Variants in MNAT1 observed in about 807,000 individuals in gnomAD.
MNAT1 encodes CDK-activating kinase assembly factor MAT1.
MNAT1 carries 43 observed loss-of-function variants against 42.0 expected under a neutral mutation model. The observed-to-expected ratio is 1.02, with a 90% CI of 0.80 to 1.32. The LOEUF is 1.32. MNAT1 is among the 40% of genes most tolerant of loss of function. The pLI is 0.00. For synonymous variants in MNAT1, 118 were observed against 120.0 expected (o/e 0.98, Z 0.11); for missense variants, 306 against 350.4 (o/e 0.87, Z 1.01).
chr14:60,741,089 A>C (rs905757720), intron 1 of MNAT1, among the ~76,000 whole-genome samples: 1 of 152,120 alleles, frequency 6.6e-6, no homozygotes, highest in African/African-American at 2.4e-5. Flanking sequence ...TCCTTTTATC[A>C]TTATGAAATG....
At chr14:60,947,229 C>A (rs1465190261) in intron 7 of MNAT1, among the ~76,000 whole-genome samples, 1 of 151,764 alleles carries the variant, frequency 6.6e-6, no homozygotes, top group Non-Finnish European at 1.5e-5. Flanking sequence ...TTCCTAGGAC[C>A]CCAACATATA....
At chr14:60,808,474 GTTTCCACATGATAC>G (rs766396207) in intron 4 of MNAT1, 46 bp downstream of exon 4, 2 of 1,147,704 alleles carry the variant, frequency 1.7e-6, no homozygotes, top group Admixed American at 5.3e-5. Flanking sequence ...AGAAACAAAT[GTTTCCACATGATAC>G]TTTAAAAAGC....
At chr14:60,908,079 A>C (rs769198379) in intron 7 of MNAT1, among the ~76,000 whole-genome samples, 1 of 152,124 alleles carries the variant, frequency 6.6e-6, no homozygotes, top group Admixed American at 6.5e-5. Flanking sequence ...ATTTTAATGC[A>C]CTCATTGACA....
intron 1 of MNAT1, among the ~76,000 whole-genome samples, chr14:60,736,082 T>C (rs1566745045): frequency 6.6e-6 from 1 of 152,224 alleles, no homozygotes; most frequent in Non-Finnish European, 1.5e-5. Context: ...GATCTTTATT[T>C]TCCTTTGCTT....
At chr14:60,828,324 G>A (rs2033112623) in intron 6 of MNAT1, among the ~76,000 whole-genome samples, 1 of 152,080 alleles carries the variant, frequency 6.6e-6, no homozygotes, top group Admixed American at 6.6e-5. Context: ...AAGATACTAA[G>A]TATAAATAGG....
In MNAT1 at chr14:60,818,825, C is replaced by T. The variant is rs531249867; in HGVS notation, c.665C>T (p.Thr222Met). Residue 222 changes from threonine (T) to methionine (M), a missense_variant, in exon 6 of 8, where the codon ACG (threonine) becomes ATG (methionine). Around this residue, in one of 3 missense-constraint regions of MNAT1, gnomAD observed 116 missense variants for 139.6 expected, o/e 0.83. Coordinates refer to ENST00000261245, the MANE Select transcript of MNAT1 (RefSeq NM_002431.4). ...AAACCCAAACCTGTAAAACCAGTGA[C>T]GTTTTCCACAGGCATCAAAATGGTA... ...LEKPKPVKPV[T>M]FSTGIKMGQH... 1.6e-5 allele frequency: 26 copies of T among 1,612,448 alleles called. No individual in the cohort carries two copies. The highest frequency in any genetic ancestry group is 6.7e-5 in the East Asian group (3 of 44,780).
intron 1 of MNAT1, among the ~76,000 whole-genome samples, chr14:60,736,883 ATTATTC>A (rs1896324129): frequency 6.6e-6 from 1 of 152,156 alleles, no homozygotes; most frequent in Admixed American, 6.5e-5. Flanking sequence ...TTTTATTATT[ATTATTC>A]TTTGTGTGGC....
chr14:60,737,452 TA>T (rs1277397743), intron 1 of MNAT1, among the ~76,000 whole-genome samples: 1 of 152,140 alleles, frequency 6.6e-6, no homozygotes, highest in Non-Finnish European at 1.5e-5. Context: ...ATAATCTCTC[TA>T]GATCAATATG....
intron 6 of MNAT1, among the ~76,000 whole-genome samples, chr14:60,843,506 G>A (rs1009868564): frequency 6.6e-6 from 1 of 152,040 alleles, no homozygotes; most frequent in Admixed American, 6.5e-5. Context: ...TCCTGACCTC[G>A]TGATCCGCCT....
chr14:60,881,572 T>C (rs906648774), intron 7 of MNAT1, among the ~76,000 whole-genome samples: 10 of 152,098 alleles, frequency 6.6e-5, no homozygotes, highest in South Asian at 2.1e-4. Flanking sequence ...GCTCATAGTG[T>C]TTTCTAGCTT....
At chr14:60,871,053 T>TG in intron 6 of MNAT1, among the ~76,000 whole-genome samples, 1 of 152,340 alleles carries the variant, frequency 6.6e-6, no homozygotes, top group South Asian at 2.1e-4. Flanking sequence ...TCATCCATGT[T>TG]GTAGCATGTA....
chr14:60,950,236 C>T (rs545957991), intron 7 of MNAT1, among the ~76,000 whole-genome samples: 114 of 151,994 alleles, frequency 7.5e-4, no homozygotes, highest in African/African-American at 2.5e-3. Context: ...TTTGTTTTTC[C>T]TTGCACTCAT....
intron 6 of MNAT1, among the ~76,000 whole-genome samples, chr14:60,867,983 C>T (rs2034243983): frequency 6.6e-6 from 1 of 152,086 alleles, no homozygotes; most frequent in Non-Finnish European, 1.5e-5. Context: ...TACCATGCAG[C>T]TGCTGCAGTG....
intron 7 of MNAT1, among the ~76,000 whole-genome samples, chr14:60,911,577 G>T (rs1006242951): frequency 3.3e-5 from 5 of 152,002 alleles, no homozygotes; most frequent in African/African-American, 1.2e-4. Flanking sequence ...TCATTTCATT[G>T]TGTACCCAGT....
At chr14:60,776,557 C>T (rs527743230) in intron 1 of MNAT1, among the ~76,000 whole-genome samples, 1 of 152,072 alleles carries the variant, frequency 6.6e-6, no homozygotes, top group African/African-American at 2.4e-5. Flanking sequence ...AAGCCAGATG[C>T]TGAAAACTGT....
At chr14:60,878,774 T>C (rs2034486215) in intron 6 of MNAT1, among the ~76,000 whole-genome samples, 1 of 152,144 alleles carries the variant, frequency 6.6e-6, no homozygotes, top group African/African-American at 2.4e-5. Context: ...TCTTCAGTAC[T>C]GGTAAAGGCA....
intron 7 of MNAT1, among the ~76,000 whole-genome samples, chr14:60,944,961 T>C (rs951329580): frequency 6.6e-6 from 1 of 152,196 alleles, no homozygotes; most frequent in Non-Finnish European, 1.5e-5. Context: ...AGAAAACTCT[T>C]ACTGTAAATA....
chr14:60,867,513 A>T (rs1342777024), intron 6 of MNAT1, among the ~76,000 whole-genome samples: 2 of 152,080 alleles, frequency 1.3e-5, no homozygotes, highest in Admixed American at 6.6e-5. Flanking sequence ...TAGTCTGATG[A>T]TTCTAATAGA....
At chr14:60,963,720 G>T (rs2036636164) in intron 7 of MNAT1, among the ~76,000 whole-genome samples, 1 of 152,110 alleles carries the variant, frequency 6.6e-6, no homozygotes, top group African/African-American at 2.4e-5. Context: ...AAAAAAACGG[G>T]CCACCTTGTA....
Sources: allele counts gnomAD v4.1 joint callset (sites outside exome capture counted in the v4.1 genomes callset), GRCh38; gene constraint gnomAD v4.1.1; regional missense constraint gnomAD v4.1.1; transcripts MANE v1.5; gene names NCBI Gene and HGNC (gene_info 2026-07-23, HGNC 2026-07-21).